The following ARHGAP22 variants were observed in gnomAD, a reference collection of about 807,000 sequenced individuals.
ARHGAP22 encodes the protein Rho GTPase activating protein 22, also known as rho GTPase-activating protein 22.
In ARHGAP22, 48 loss-of-function variants were observed where a neutral mutation model predicts 59.1. The observed-to-expected ratio is 0.81, with a 90% confidence interval of 0.64 to 1.03. ARHGAP22 has a LOEUF of 1.03. Among genes scored for constraint, ARHGAP22 ranks in the 50% least tolerant of loss-of-function variants. ARHGAP22 has a pLI of 0.00. For synonymous variants in ARHGAP22, 445 were observed against 416.4 expected, an observed-to-expected ratio of 1.07 and a Z score of -0.84; for missense variants, 1,015 against 958.7, an observed-to-expected ratio of 1.06 and a Z score of -0.78.
At chr10:48,451,872 CAA>C (rs2045997889) in intron 8 of ARHGAP22, among the ~76,000 whole-genome samples, 1 of 151,664 alleles carries the variant, frequency 6.6e-6, no homozygotes, top group South Asian at 2.1e-4. Flanking sequence ...TACACACACA[CAA>C]GTGAACACAC....
chr10:48,491,206 C>A (rs574022689), intron 3 of ARHGAP22, among the ~76,000 whole-genome samples: 15 of 152,190 alleles, frequency 9.9e-5, no homozygotes, highest in African/African-American at 3.6e-4. Context: ...CCTACTCCTG[C>A]GACGTCATCT....
intron 3 of ARHGAP22, among the ~76,000 whole-genome samples, chr10:48,535,995 G>C (rs1011793602): frequency 6.6e-6 from 1 of 152,234 alleles, no homozygotes; most frequent in Non-Finnish European, 1.5e-5. Context: ...TGGCCACCTA[G>C]CTGTGGAAGG....
chr10:48,573,423 AG>A (rs1169009065), intron 2 of ARHGAP22, among the ~76,000 whole-genome samples: 1 of 152,206 alleles, frequency 6.6e-6, no homozygotes, highest in African/African-American at 2.4e-5. Flanking sequence ...CTATCACGCA[AG>A]ATCCTGTAAT....
At chr10:48,434,823 G>A in the ARHGAP22 span, 1 of 1,480,790 alleles carries the variant, frequency 6.8e-7, no homozygotes, top group Non-Finnish European at 9.1e-7. Flanking sequence ...TCAGTGCAGT[G>A]CAAGTAGCTT....
intron 1 of ARHGAP22, among the ~76,000 whole-genome samples, chr10:48,648,224 A>G (rs1442540313): frequency 6.6e-6 from 1 of 152,226 alleles, no homozygotes; most frequent in East Asian, 1.9e-4. Context: ...AAATACATAG[A>G]ATATGATAAT....
At chr10:48,432,348 G>A in the ARHGAP22 span, among the ~76,000 whole-genome samples, 1 of 151,966 alleles carries the variant, frequency 6.6e-6, no homozygotes, top group African/African-American at 2.4e-5. Flanking sequence ...TTTGTGGCTT[G>A]CTTTGACATT....
chr10:48,607,054 C>G (rs551999321), upstream of ARHGAP22, among the ~76,000 whole-genome samples: 15 of 152,220 alleles, frequency 9.9e-5, no homozygotes, highest in Admixed American at 9.2e-4. Flanking sequence ...AATCTCATGT[C>G]GACACCAGGG....
intron 1 of ARHGAP22, among the ~76,000 whole-genome samples, chr10:48,616,577 T>A (rs776326988): frequency 1.3e-5 from 2 of 152,008 alleles, no homozygotes; most frequent in African/African-American, 4.8e-5. Context: ...AGGGAGAGAA[T>A]CCCAAAAGCA....
chr10:48,628,466 C>T lies in ARHGAP22; in HGVS notation c.52+23768G>A, dbSNP rs181087442. Among the ~76,000 whole-genome samples the T allele has an allele frequency of 1.5e-3, 232 of 152,282 alleles. 1 individual carries two copies. The highest frequency in any genetic ancestry group is 5.2e-3 in the African/African-American group (218 of 41,548). On this transcript the variant is annotated intron_variant, in intron 1 of 9. Coordinates refer to the ARHGAP22 transcript ENST00000435790. ...TGCTGGGTTGAGTAACACCAGGTGG[C>T]TCCTGTCTGTTTCCATAGCAAGGAT...
intron 1 of ARHGAP22, among the ~76,000 whole-genome samples, chr10:48,649,096 T>C (rs1448814105): frequency 6.6e-6 from 1 of 152,210 alleles, no homozygotes; most frequent in Admixed American, 6.5e-5. Flanking sequence ...AGATCAGTCC[T>C]GTGCTTATAA....
At chr10:48,563,659 A>C (rs530305393) in intron 2 of ARHGAP22, among the ~76,000 whole-genome samples, 1 of 152,340 alleles carries the variant, frequency 6.6e-6, no homozygotes, top group South Asian at 2.1e-4. Context: ...AGACTACAGT[A>C]TATCTGAAAC....
chr10:48,483,784 A>G (rs558704695), intron 3 of ARHGAP22, among the ~76,000 whole-genome samples: 8 of 152,306 alleles, frequency 5.3e-5, no homozygotes, highest in Admixed American at 2.6e-4. Flanking sequence ...GTTTCTTGTC[A>G]GATGAACAGT....
chr10:48,587,162 AG>A (rs1466417612), intron 1 of ARHGAP22, among the ~76,000 whole-genome samples: 1 of 152,198 alleles, frequency 6.6e-6, no homozygotes, highest in Admixed American at 6.5e-5. Flanking sequence ...AAGCATCAGA[AG>A]GGGCCTTTCT....
intron 1 of ARHGAP22, among the ~76,000 whole-genome samples, chr10:48,602,330 A>G (rs144901401): frequency 1.3e-3 from 197 of 152,328 alleles, no homozygotes; most frequent in African/African-American, 4.5e-3. Flanking sequence ...TTGGCCCATC[A>G]GTCTGATGAT....
At chr10:48,481,677 C>T (rs2049338094) in intron 3 of ARHGAP22, among the ~76,000 whole-genome samples, 1 of 152,140 alleles carries the variant, frequency 6.6e-6, no homozygotes, top group Non-Finnish European at 1.5e-5. Context: ...ATATGCATAA[C>T]TGTTAAGGAA....
chr10:48,451,234 CT>C, intron 8 of ARHGAP22, 94 bp from the exon 9 acceptor site: 1 of 1,511,220 alleles, frequency 6.6e-7, no homozygotes. Context: ...TTCGTGGGAG[CT>C]GGCCCTGTCC....
chr10:48,520,087 A>C (rs1271932286), intron 3 of ARHGAP22, among the ~76,000 whole-genome samples: 1 of 152,210 alleles, frequency 6.6e-6, no homozygotes, highest in Non-Finnish European at 1.5e-5. Context: ...GAAATGAAGA[A>C]GAGGGCAGGG....
intron 1 of ARHGAP22, among the ~76,000 whole-genome samples, chr10:48,595,668 T>G (rs906586154): frequency 2.6e-5 from 4 of 152,064 alleles, no homozygotes; most frequent in Non-Finnish European, 4.4e-5. Context: ...AGATTACAGG[T>G]GTGTATGACT....
At chr10:48,522,479 T>C (rs1032319519) in intron 3 of ARHGAP22, among the ~76,000 whole-genome samples, 1 of 152,252 alleles carries the variant, frequency 6.6e-6, no homozygotes, top group African/African-American at 2.4e-5. Context: ...TTAATGAGTC[T>C]ATGTCCTCTC....
Sources: allele counts gnomAD v4.1 joint callset (sites outside exome capture counted in the v4.1 genomes callset), GRCh38; gene constraint gnomAD v4.1.1; transcripts MANE v1.5; gene names NCBI Gene and HGNC (gene_info 2026-07-23, HGNC 2026-07-21).